The following LTA4H variants were observed in gnomAD, a reference collection of about 807,000 sequenced individuals.
LTA4H encodes leukotriene A-4 hydrolase.
In LTA4H, 59 loss-of-function variants were observed where a neutral mutation model predicts 89.8. The observed-to-expected ratio is 0.66, with a 90% CI of 0.53 to 0.82. The LOEUF (loss-of-function observed/expected upper bound fraction) is 0.82, where lower values mean the gene tolerates loss of function less well. Ranked by LOEUF, LTA4H falls within the 40% of genes least tolerant of loss-of-function variation. The pLI is 0.00. For missense variants in LTA4H, 617 were observed against 727.0 expected, an observed-to-expected ratio of 0.85 and a Z score of 1.74; for synonymous variants, 227 against 253.1, an observed-to-expected ratio of 0.90 and a Z score of 0.98.
At chr12:96,037,088 T>G (rs1592904474), upstream of LTA4H, among the ~76,000 whole-genome samples, 1 of 152,190 alleles carries the variant, frequency 6.6e-6, no homozygotes, top group Admixed American at 6.5e-5. Flanking sequence ...TAATTCAACA[T>G]GAGATTTGGT....
At chr12:96,023,632 T>A (rs1371960594) in intron 4 of LTA4H, among the ~76,000 whole-genome samples, 3 of 152,184 alleles carry the variant, frequency 2.0e-5, no homozygotes, top group Non-Finnish European at 4.4e-5. Context: ...TATGGGTTGG[T>A]CCTCATTCTA....
chr12:96,032,580 A>C (rs1382429328), intron 1 of LTA4H, among the ~76,000 whole-genome samples: 3 of 152,218 alleles, frequency 2.0e-5, no homozygotes, highest in Non-Finnish European at 4.4e-5. Flanking sequence ...ACTTTAAATA[A>C]ATACTAATTA....
intron 16 of LTA4H, among the ~76,000 whole-genome samples, chr12:96,005,591 C>T (rs1014383971): frequency 1.3e-5 from 2 of 152,112 alleles, no homozygotes; most frequent in African/African-American, 4.8e-5. Context: ...CCTTGCTGCT[C>T]CCTCCACCTT....
intron 14 of LTA4H, chr12:96,012,890 A>G (rs1950324661): frequency 3.3e-6 from 1 of 298,780 alleles, no homozygotes; most frequent in African/African-American, 2.1e-5. Context: ...AATTAACATA[A>G]TACTTATAAA....
At chr12:96,041,434 T>A (rs914344051) in intron 1 of LTA4H, among the ~76,000 whole-genome samples, 7 of 152,182 alleles carry the variant, frequency 4.6e-5, no homozygotes, top group Non-Finnish European at 1.0e-4. Context: ...CCTGCTGATG[T>A]GGTCTAGCTA....
rs1340998915 is a variant in LTA4H at position 96,022,623 on chromosome 12, T to C, written c.481-372A>G. Among the ~76,000 whole-genome samples the C allele has an allele frequency of 6.6e-6, 1 of 152,220 alleles. No individual in the cohort carries two copies. Among genetic ancestry groups the C allele is most frequent in the Admixed American group, 6.5e-5 (1 of 15,288 alleles). ...ATGCACATTAAGAGCAGAGTTTTGG[T>C]AGAAACTGGATTAAAATCCCAGCTC... On this transcript the variant is annotated intron_variant, in intron 4 of 18. Coordinates refer to ENST00000228740, the MANE Select transcript of LTA4H (RefSeq NM_000895.3). The surrounding 1 kb of genome is among the most constrained non-coding windows in gnomAD (Gnocchi z 4.0).
intron 16 of LTA4H, among the ~76,000 whole-genome samples, chr12:96,005,334 C>G (rs1419952252): frequency 3.3e-5 from 5 of 152,200 alleles, no homozygotes; most frequent in Admixed American, 3.3e-4. Context: ...AGTCTCCCAA[C>G]TAGTAACTTC....
chr12:96,026,543 C>T (rs1449284357), intron 3 of LTA4H, among the ~76,000 whole-genome samples: 3 of 152,126 alleles, frequency 2.0e-5, no homozygotes, highest in East Asian at 1.9e-4. Context: ...TACACTCTTG[C>T]GTAGAACATT....
upstream of LTA4H, among the ~76,000 whole-genome samples, chr12:96,039,318 T>C (rs1245475416): frequency 4.6e-5 from 7 of 152,192 alleles, no homozygotes; most frequent in Non-Finnish European, 1.5e-5. Flanking sequence ...TAAAATATTA[T>C]GAAAAGAAAT....
At position 96,021,116 on chromosome 12, in the gene LTA4H, T is replaced by C; in HGVS notation, c.607A>G (p.Ile203Val). 6.2e-7 allele frequency: 1 copy of C among 1,601,460 alleles called. No individual in the cohort carries two copies. The highest frequency in any genetic ancestry group is 8.5e-7 in the Non-Finnish European group (1 of 1,176,324). ...IQKVPIPCYL[I>V]ALVVGALESR... The stretch of plus-strand genomic sequence containing the variant: ...TCTAAAGCTCCAACAACTAAAGCAA[T>C]CAGGTAGCAGGGTATTGGAACCTAA... Residue 203 changes from isoleucine to valine, a missense_variant, in exon 6 of 19, where the codon ATT (isoleucine) becomes GTT (valine). Ile to Val is a conservative substitution (Grantham distance 29). Around this residue, in one of 3 missense-constraint regions of LTA4H, gnomAD observed 172 missense variants for 244.5 expected, o/e 0.70. Coordinates refer to ENST00000228740, the MANE Select transcript of LTA4H (RefSeq NM_000895.3).
At chr12:96,003,238 T>C (rs1950138693) in intron 17 of LTA4H, among the ~76,000 whole-genome samples, 174 bp from the exon 18 acceptor site, 1 of 151,518 alleles carries the variant, frequency 6.6e-6, no homozygotes, top group African/African-American at 2.4e-5. Flanking sequence ...ATATATACAA[T>C]TTAATAATTG....
At chr12:96,002,060 T>C (rs924461248) in intron 18 of LTA4H, among the ~76,000 whole-genome samples, 1 of 152,214 alleles carries the variant, frequency 6.6e-6, no homozygotes, top group Non-Finnish European at 1.5e-5. Flanking sequence ...GGTTTCACTA[T>C]GTTAGCCAGG....
chr12:96,005,220 C>T (rs1199403829), intron 16 of LTA4H, among the ~76,000 whole-genome samples: 6 of 152,112 alleles, frequency 3.9e-5, no homozygotes, highest in Non-Finnish European at 8.8e-5. Flanking sequence ...CCCCTATAGC[C>T]AGTCAGTCAC....
chr12:96,015,734 G>C (rs1426131980), intron 10 of LTA4H, 40 bp from the exon 11 acceptor site: 3 of 1,212,966 alleles, frequency 2.5e-6, no homozygotes, highest in Non-Finnish European at 3.6e-6. Flanking sequence ...GGACACAGCT[G>C]AGAAGAAAAG....
At chr12:96,016,775 C>A (rs942473977) in intron 10 of LTA4H, among the ~76,000 whole-genome samples, 1 of 151,998 alleles carries the variant, frequency 6.6e-6, no homozygotes, top group African/African-American at 2.4e-5. Context: ...GTGGCGCATG[C>A]CTGTAATCCC....
chr12:96,008,592 G>A (rs977026065), intron 15 of LTA4H, among the ~76,000 whole-genome samples: 5 of 151,776 alleles, frequency 3.3e-5, no homozygotes, highest in African/African-American at 1.2e-4. Context: ...CAGGATTAAT[G>A]CCTTCAACAT....
At chr12:96,021,666 AACACACACACACACAC>A (rs60322768) in intron 5 of LTA4H, among the ~76,000 whole-genome samples, 1 of 147,134 alleles carries the variant, frequency 6.8e-6, no homozygotes, top group Admixed American at 6.9e-5. Context: ...CAATTAAGAA[AACACACACACACACAC>A]ACACACACAC....
chr12:96,017,494 T>C, intron 9 of LTA4H, 63 bp downstream of exon 9: 1 of 1,378,376 alleles, frequency 7.3e-7, no homozygotes, highest in Non-Finnish European at 1.0e-6. Context: ...ACAAGGGATA[T>C]TTTAAAATCA....
chr12:96,027,294 A>G (rs906568246), intron 3 of LTA4H, 150 bp downstream of exon 3: 9 of 573,374 alleles, frequency 1.6e-5, no homozygotes, highest in Non-Finnish European at 2.3e-5. Context: ...ATGAAAATAT[A>G]TAATTCATCT....
Sources: allele counts gnomAD v4.1 joint callset (sites outside exome capture counted in the v4.1 genomes callset), GRCh38; gene constraint gnomAD v4.1.1; regional missense constraint gnomAD v4.1.1; non-coding constraint Gnocchi (gnomAD v3.1); transcripts MANE v1.5; gene names NCBI Gene and HGNC (gene_info 2026-07-23, HGNC 2026-07-21).